The following EXOC5 variants were observed in gnomAD, a reference collection of about 807,000 sequenced individuals.
The protein encoded by EXOC5 is SEC10-like 1.
In EXOC5, 17 loss-of-function variants were observed where a neutral mutation model predicts 90.8. The observed-to-expected ratio is 0.19, with a 90% confidence interval of 0.13 to 0.28. The LOEUF (loss-of-function observed/expected upper bound fraction) is 0.28. EXOC5 is among the 10% of genes least tolerant of loss of function. The probability of loss-of-function intolerance (pLI) is 1.00; values close to 1 mark genes in which losing one functional copy is unlikely to be tolerated. For synonymous variants in EXOC5, 260 were observed against 270.0 expected (o/e 0.96, Z 0.36); for missense variants, 569 against 830.6 (o/e 0.69, Z 3.87).
chr14:57,234,557 A>G (rs1482925782), intron 7 of EXOC5, among the ~76,000 whole-genome samples: 4 of 145,608 alleles, frequency 2.7e-5, no homozygotes, highest in East Asian at 2.0e-4. Flanking sequence ...ATATATGTGT[A>G]TATATATATT....
At chr14:57,211,236 C>T (rs1165413161) in intron 15 of EXOC5, among the ~76,000 whole-genome samples, 4 of 152,200 alleles carry the variant, frequency 2.6e-5, no homozygotes. Context: ...TTATCACAAT[C>T]ACCTTGATTT....
chr14:57,208,516 T>C lies in EXOC5; in HGVS notation c.*93A>G. On this transcript the variant is annotated 3_prime_UTR_variant, in exon 18 of 18. Coordinates refer to ENST00000621441, the MANE Select transcript of EXOC5 (RefSeq NM_006544.4). Reference sequence around the variant, plus strand: ...ACAAAATGTTGGCTGTGTCATAAGGTATCTCCTGTGCTTTCTATCAACCGA... The same window carrying C: ...ACAAAATGTTGGCTGTGTCATAAGGCATCTCCTGTGCTTTCTATCAACCGA... 5.0e-6 allele frequency: 4 copies of C among 798,190 alleles called. No individual in the cohort carries two copies. The highest frequency in any genetic ancestry group is 8.1e-6 in the Non-Finnish European group (4 of 492,760). The allele number at this position is 798,190 out of a possible 1,614,324, so 49.4% of individuals were successfully genotyped here.
chr14:57,239,844 C>A (rs1566499652), intron 4 of EXOC5, among the ~76,000 whole-genome samples, 185 bp from the exon 5 acceptor site: 1 of 151,974 alleles, frequency 6.6e-6, no homozygotes, highest in East Asian at 1.9e-4. Context: ...GGGGTGTTAC[C>A]AATAATGAGT....
intron 12 of EXOC5, 22 bp from the exon 13 acceptor site, chr14:57,222,438 A>C: frequency 1.5e-6 from 2 of 1,341,956 alleles, no homozygotes; most frequent in Non-Finnish European, 2.1e-6. Context: ...AAATCAAACA[A>C]TATCACTCCT....
At chr14:57,223,652 TAGAC>T (rs1036480228) in intron 12 of EXOC5, among the ~76,000 whole-genome samples, 1 of 152,204 alleles carries the variant, frequency 6.6e-6, no homozygotes, top group Admixed American at 6.5e-5. Context: ...CCATGAATAA[TAGAC>T]AGAAGAGGCA....
intron 14 of EXOC5, among the ~76,000 whole-genome samples, chr14:57,218,500 T>C (rs1883035678): frequency 6.6e-6 from 1 of 152,064 alleles, no homozygotes; most frequent in Admixed American, 6.6e-5. Flanking sequence ...TAACAGCCAA[T>C]CCAGTTGTAC....
chr14:57,262,535 C>CAT (rs1056587532), intron 1 of EXOC5, among the ~76,000 whole-genome samples: 11 of 123,410 alleles, frequency 8.9e-5, no homozygotes, highest in African/African-American at 3.8e-4. Flanking sequence ...AGTGTAAATA[C>CAT]ATATGTGTGT....
rs542623968 is a variant in EXOC5, at chr14:57,232,670, G to A, written c.935C>T (p.Thr312Ile). The change falls in exon 10 of 18, where the codon ACA becomes ATA. Residue 312 changes from threonine (T) to isoleucine (I), a missense_variant. Coordinates refer to ENST00000621441, the MANE Select transcript of EXOC5 (RefSeq NM_006544.4). ...QYLKNLYDLY[T>I]RTTNLSSKLM... ...TTTCTAATCATTAAAAATTTACCTT[G>A]TATACAGATCATAGAGATTTTTGAG... 8 of 1,358,982 alleles carry A rather than the reference G, an allele frequency of 5.9e-6. No homozygotes were observed. The East Asian group carries it at 1.7e-4, about 28-fold the overall frequency. The allele number at this position is 1,358,982 out of a possible 1,614,324, so 84.2% of individuals were successfully genotyped here.
intron 1 of EXOC5, among the ~76,000 whole-genome samples, chr14:57,257,914 G>T (rs1884398421): frequency 6.6e-6 from 1 of 151,984 alleles, no homozygotes; most frequent in South Asian, 2.1e-4. Flanking sequence ...ATTTTATAAG[G>T]CTGACAAAGG....
chr14:57,237,893 A>G (rs545527918), intron 5 of EXOC5, among the ~76,000 whole-genome samples: 4 of 152,276 alleles, frequency 2.6e-5, no homozygotes, highest in Non-Finnish European at 4.4e-5. Context: ...GATAAGACCC[A>G]GCAATGTGCC....
chr14:57,203,654 A>G lies in EXOC5; in HGVS notation c.*4955T>C, dbSNP rs1882563212. On this transcript the variant is annotated 3_prime_UTR_variant, in exon 18 of 18. Transcript: ENST00000621441. Reference sequence around the variant, plus strand: ...CTAGGCACTTATAATTCTACATTTTACTGACCTTTCACTGATTATAAAGTA... The same window carrying G: ...CTAGGCACTTATAATTCTACATTTTGCTGACCTTTCACTGATTATAAAGTA... 6.6e-6 allele frequency: 1 copy of G among 152,536 alleles called. No homozygotes were observed. Among genetic ancestry groups the G allele is most frequent in the Admixed American group, 6.6e-5 (1 of 15,254 alleles). 9.4% of individuals were successfully genotyped at this position (152,536 alleles called of 1,614,324 possible). A position where few individuals can be genotyped will look rare whatever the true frequency, so the allele number is the denominator to read the frequency against.
rs984083091 is a variant in EXOC5, at chr14:57,258,695, T to C, written c.27+9927A>G. Among the ~76,000 whole-genome samples, 10 of 152,322 alleles carry C rather than the reference T, an allele frequency of 6.6e-5. No individual in the cohort carries two copies. The East Asian group carries it at 1.7e-3, about 26-fold the overall frequency. On this transcript the variant is annotated intron_variant, in intron 1 of 17. Transcript: ENST00000621441. ...CATGTATCCCAGAACTTAATGGTAT[T>C]TGTGGTCATTTCTACTGAAAAATCT...
intron 5 of EXOC5, 139 bp from the exon 6 acceptor site, chr14:57,237,505 C>A: frequency 3.7e-6 from 2 of 544,298 alleles, no homozygotes; most frequent in Non-Finnish European, 6.6e-6. Context: ...TTCTGTAAAT[C>A]CAAAACCATT....
chr14:57,256,439 T>G (rs1884351692), intron 1 of EXOC5, among the ~76,000 whole-genome samples: 1 of 152,150 alleles, frequency 6.6e-6, no homozygotes, highest in Non-Finnish European at 1.5e-5. Context: ...GAATATCAGT[T>G]GCAACTCCGA....
At chr14:57,251,633 A>T (rs1884197304) in intron 1 of EXOC5, among the ~76,000 whole-genome samples, 1 of 152,084 alleles carries the variant, frequency 6.6e-6, no homozygotes, top group South Asian at 2.1e-4. Context: ...AAAAAGAAGT[A>T]TAAACTTAAG....
chr14:57,214,785 C>A (rs1035016625), intron 15 of EXOC5, among the ~76,000 whole-genome samples: 9 of 151,904 alleles, frequency 5.9e-5, no homozygotes, highest in Non-Finnish European at 1.2e-4. Flanking sequence ...AAAAGATGGA[C>A]CAAGTGATAT....
At chr14:57,217,961 G>C in intron 15 of EXOC5, 21 bp downstream of exon 15, 4 of 1,289,070 alleles carry the variant, frequency 3.1e-6, no homozygotes, top group Non-Finnish European at 4.5e-6. Context: ...AAAAATGCAA[G>C]AGACAAAACC....
intron 15 of EXOC5, among the ~76,000 whole-genome samples, chr14:57,211,104 A>G (rs745657191): frequency 4.3e-4 from 66 of 152,184 alleles, no homozygotes; most frequent in Non-Finnish European, 7.8e-4. Flanking sequence ...TTGTAAACTG[A>G]TATGACTTAT....
At chr14:57,263,716 G>T (rs1489061934) in intron 1 of EXOC5, among the ~76,000 whole-genome samples, 1 of 124,878 alleles carries the variant, frequency 8.0e-6, no homozygotes, top group South Asian at 2.7e-4. Flanking sequence ...AGTGAGCTGA[G>T]ATCACGCCAC....
Sources: allele counts gnomAD v4.1 joint callset (sites outside exome capture counted in the v4.1 genomes callset), GRCh38; gene constraint gnomAD v4.1.1; transcripts MANE v1.5; gene names NCBI Gene and HGNC (gene_info 2026-07-23, HGNC 2026-07-21).